The following LEKR1 variants were observed in gnomAD, a reference collection of about 807,000 sequenced individuals.
The protein encoded by LEKR1 is leucine, glutamate and lysine rich 1, also known as protein LEKR1.
In LEKR1, 59 loss-of-function variants were observed where a neutral mutation model predicts 72.4. The observed-to-expected ratio is 0.82, with a 90% confidence interval of 0.66 to 1.01. The LOEUF (loss-of-function observed/expected upper bound fraction) is 1.01, where lower values mean the gene tolerates loss of function less well. Ranked by LOEUF, LEKR1 falls within the 50% of genes least tolerant of loss-of-function variation. The pLI, the probability that LEKR1 is intolerant of heterozygous loss-of-function variation, is 0.00. For synonymous variants in LEKR1, 257 were observed against 263.2 expected (o/e 0.98, Z 0.23); for missense variants, 728 against 759.2 (o/e 0.96, Z 0.48).
chr3:157,015,137 C>G (rs1353465593), intron 10 of LEKR1, among the ~76,000 whole-genome samples: 2 of 152,082 alleles, frequency 1.3e-5, no homozygotes, highest in Non-Finnish European at 2.9e-5. Flanking sequence ...AATTTCAGGT[C>G]ATGGTTCAGG....
At chr3:156,921,226 G>A (rs1332175509) in intron 4 of LEKR1, among the ~76,000 whole-genome samples, 1 of 152,024 alleles carries the variant, frequency 6.6e-6, no homozygotes, top group African/African-American at 2.4e-5. Flanking sequence ...AGTATATTGA[G>A]AATGTTTATG....
At chr3:157,043,188 G>T (rs965715729) in intron 12 of LEKR1, among the ~76,000 whole-genome samples, 1 of 152,170 alleles carries the variant, frequency 6.6e-6, no homozygotes, top group African/African-American at 2.4e-5. Flanking sequence ...CCTAGAAGCA[G>T]AAGTGGCTAA....
rs1291520335 is a variant in LEKR1, at chr3:156,946,438, A to G, written c.745+3724A>G. On this transcript the variant is annotated intron_variant, in intron 6 of 12. Transcript: ENST00000356539. ...CAATTTGGATGCCTTTTATTTCCTT[A>G]TCTTGTCTGATTGCTCTAGCTAGGA... is the stretch of plus-strand genomic sequence containing the variant. Among the ~76,000 whole-genome samples the G allele has an allele frequency of 9.3e-5, 14 of 151,290 alleles. No homozygotes were observed. In the Admixed American group the frequency reaches 9.3e-4, roughly 10 times the overall value.
At chr3:156,987,136 T>A (rs191325658) in intron 7 of LEKR1, among the ~76,000 whole-genome samples, 345 of 152,090 alleles carry the variant, frequency 2.3e-3, no homozygotes, top group Non-Finnish European at 4.1e-3. Flanking sequence ...TTGTAACAAT[T>A]GAAGAGAAAG....
intron 7 of LEKR1, among the ~76,000 whole-genome samples, chr3:156,983,244 G>C (rs1029483029): frequency 7.2e-5 from 11 of 152,146 alleles, no homozygotes; most frequent in Non-Finnish European, 1.5e-4. Flanking sequence ...AATAACCCAG[G>C]TGAAGAGCAA....
chr3:156,941,577 A>G (rs768258021), intron 5 of LEKR1, among the ~76,000 whole-genome samples: 4 of 152,082 alleles, frequency 2.6e-5, no homozygotes, highest in Non-Finnish European at 5.9e-5. Flanking sequence ...CACTTTTGAC[A>G]TCTCGTCACA....
intron 6 of LEKR1, among the ~76,000 whole-genome samples, chr3:156,971,819 A>G (rs1729225268): frequency 6.6e-6 from 1 of 152,228 alleles, no homozygotes; most frequent in Admixed American, 6.5e-5. Context: ...TAGAATGGCA[A>G]TCATTAAAAA....
rs879750052 is a variant in LEKR1 at position 156,904,040 on chromosome 3, C to T, written c.264-16535C>T. Among the ~76,000 whole-genome samples, 5 of 152,186 alleles carry T rather than the reference C, an allele frequency of 3.3e-5. No individual in the cohort carries two copies. The South Asian group carries it at 6.2e-4, about 19-fold the overall frequency. On this transcript the variant is annotated intron_variant, in intron 3 of 12. Transcript: ENST00000356539. ...ATATTGGGTGGCCAAACAGTGGTTA[C>T]CCACTGCATGAGAAAGACTATCCAG...
intron 5 of LEKR1, among the ~76,000 whole-genome samples, chr3:156,934,719 T>G (rs1397122970): frequency 1.3e-5 from 2 of 152,078 alleles, no homozygotes; most frequent in Non-Finnish European, 2.9e-5. Flanking sequence ...AAAGAAACAT[T>G]GACATAAGTC....
intron 6 of LEKR1, among the ~76,000 whole-genome samples, chr3:156,973,809 A>G (rs1729455340): frequency 6.6e-6 from 1 of 152,180 alleles, no homozygotes; most frequent in Admixed American, 6.6e-5. Flanking sequence ...ACTGCAAGTT[A>G]AACCAGAGAC....
chr3:156,938,064 G>A (rs1046426353), intron 5 of LEKR1, among the ~76,000 whole-genome samples: 28 of 152,068 alleles, frequency 1.8e-4, no homozygotes, highest in African/African-American at 6.5e-4. Context: ...TCAGCTTTGT[G>A]GTAATAGAGC....
At chr3:156,872,025 C>G (rs370743329) in intron 3 of LEKR1, among the ~76,000 whole-genome samples, 3 of 150,854 alleles carry the variant, frequency 2.0e-5, no homozygotes, top group South Asian at 4.2e-4. Flanking sequence ...ATTAGTTCTT[C>G]TTTGAAAGTT....
intron 9 of LEKR1, among the ~76,000 whole-genome samples, chr3:157,010,072 T>C (rs1401103239): frequency 6.6e-6 from 1 of 152,040 alleles, no homozygotes; most frequent in East Asian, 1.9e-4. Flanking sequence ...TCATCCCTCT[T>C]ATTTCTGATA....
intron 12 of LEKR1, 78 bp downstream of exon 12, chr3:157,028,480 G>T (rs781351491): frequency 7.9e-7 from 1 of 1,266,618 alleles, no homozygotes; most frequent in Admixed American, 2.5e-5. Flanking sequence ...AAACGTGAAA[G>T]GCAGCTTAGT....
intron 5 of LEKR1, among the ~76,000 whole-genome samples, chr3:156,929,652 AC>A (rs138584856): frequency 0.071 from 10,810 of 152,138 alleles, 490 homozygotes; most frequent in African/African-American, 0.12. Flanking sequence ...ATAATATGTT[AC>A]CAGAAGAGTT....
chr3:156,879,921 G>A (rs1322308588), intron 3 of LEKR1, among the ~76,000 whole-genome samples: 3 of 152,198 alleles, frequency 2.0e-5, no homozygotes, highest in Non-Finnish European at 4.4e-5. Flanking sequence ...AGATTTCAGA[G>A]GATGTATAGA....
chr3:156,855,843 C>G (rs1715991557), intron 3 of LEKR1, among the ~76,000 whole-genome samples: 1 of 151,996 alleles, frequency 6.6e-6, no homozygotes, highest in African/African-American at 2.4e-5. Flanking sequence ...ATTCACTCAA[C>G]TTTTTTTTCC....
At chr3:156,996,592 A>C (rs1731590757) in intron 9 of LEKR1, among the ~76,000 whole-genome samples, 2 of 152,236 alleles carry the variant, frequency 1.3e-5, no homozygotes, top group South Asian at 4.1e-4. Flanking sequence ...CAATGGGAGC[A>C]AGTCAGGACA....
intron 9 of LEKR1, among the ~76,000 whole-genome samples, chr3:157,004,790 A>G (rs1732283719): frequency 6.6e-6 from 1 of 152,120 alleles, no homozygotes; most frequent in Admixed American, 6.5e-5. Flanking sequence ...TGAAAATGAA[A>G]ACATCAAAAT....
Sources: allele counts gnomAD v4.1 joint callset (sites outside exome capture counted in the v4.1 genomes callset), GRCh38; gene constraint gnomAD v4.1.1; transcripts MANE v1.5; gene names NCBI Gene and HGNC (gene_info 2026-07-23, HGNC 2026-07-21).